The following DAB1 variants were observed in gnomAD, a reference collection of about 807,000 sequenced individuals.
DAB1 encodes the protein DAB adaptor protein 1.
In DAB1, 15 loss-of-function variants were observed where a neutral mutation model predicts 64.6. That is an observed-to-expected ratio of 0.23 (90% CI 0.16 to 0.36). DAB1 has a LOEUF of 0.36. DAB1 is among the 10% of genes least tolerant of loss of function. The pLI, the probability that DAB1 is intolerant of heterozygous loss-of-function variation, is 1.00. For synonymous variants in DAB1, 235 were observed against 251.9 expected (o/e 0.93, Z 0.64); for missense variants, 596 against 706.7 (o/e 0.84, Z 1.78).
intron 6 of DAB1, among the ~76,000 whole-genome samples, chr1:57,795,020 G>C (rs1650776949): frequency 6.6e-6 from 1 of 152,204 alleles, no homozygotes; most frequent in Non-Finnish European, 1.5e-5. Context: ...CACCCAATCA[G>C]TTGAATCAAA....
chr1:57,116,238 T>C (rs192996333), intron 4 of DAB1, among the ~76,000 whole-genome samples: 1 of 151,100 alleles, frequency 6.6e-6, no homozygotes, highest in African/African-American at 2.4e-5. Flanking sequence ...CCGAGGCAGG[T>C]GGATCACAAG....
intron 1 of DAB1, among the ~76,000 whole-genome samples, chr1:57,835,419 T>C (rs1422333758): frequency 6.6e-6 from 1 of 152,172 alleles, no homozygotes; most frequent in African/African-American, 2.4e-5. Flanking sequence ...CAATGTCATA[T>C]AACAAAGGAG....
At chr1:58,266,814 G>C (rs1308674692) in intron 4 of DAB1, among the ~76,000 whole-genome samples, 2 of 152,274 alleles carry the variant, frequency 1.3e-5, no homozygotes, top group Non-Finnish European at 1.5e-5. Context: ...AGCTTGAATA[G>C]GTATCGTCCA....
At chr1:57,860,098 T>A (rs1220878331) in intron 1 of DAB1, among the ~76,000 whole-genome samples, 2 of 152,136 alleles carry the variant, frequency 1.3e-5, no homozygotes, top group East Asian at 3.9e-4. Context: ...AAGGACACAG[T>A]GAATTACTAA....
intron 5 of DAB1, among the ~76,000 whole-genome samples, chr1:57,891,834 G>A (rs542323638): frequency 1.1e-4 from 16 of 152,166 alleles, no homozygotes; most frequent in African/African-American, 3.1e-4. Flanking sequence ...ATCACACACC[G>A]GGGCCTGTCA....
intron 3 of DAB1, among the ~76,000 whole-genome samples, chr1:58,478,715 C>T (rs536551527): frequency 6.6e-6 from 1 of 152,260 alleles, no homozygotes; most frequent in African/African-American, 2.4e-5. Flanking sequence ...AATATACACA[C>T]TGTCCTTTAG....
At chr1:58,491,856 T>C (rs965984064) in intron 3 of DAB1, among the ~76,000 whole-genome samples, 2 of 152,110 alleles carry the variant, frequency 1.3e-5, no homozygotes, top group Non-Finnish European at 2.9e-5. Context: ...GACAGATCAA[T>C]GAGACAAAAA....
chr1:57,814,409 C>T (rs772283161), intron 6 of DAB1, among the ~76,000 whole-genome samples: 2 of 152,152 alleles, frequency 1.3e-5, no homozygotes, highest in Non-Finnish European at 2.9e-5. Flanking sequence ...TCAGCCAGCA[C>T]CATGATGGCA....
At chr1:57,703,006 A>C (rs905804836) in intron 6 of DAB1, among the ~76,000 whole-genome samples, 14 of 152,198 alleles carry the variant, frequency 9.2e-5, no homozygotes, top group Admixed American at 6.5e-4. Context: ...TTGAAACTGG[A>C]CCTCTTCCTT....
At chr1:58,535,256 T>G (rs1646497637) in intron 1 of DAB1, among the ~76,000 whole-genome samples, 2 of 152,168 alleles carry the variant, frequency 1.3e-5, no homozygotes, top group African/African-American at 4.8e-5. Flanking sequence ...AAATTAAAAA[T>G]GTTCTGAAAT....
intron 2 of DAB1, among the ~76,000 whole-genome samples, chr1:57,191,940 G>A (rs72672685): frequency 0.057 from 8,637 of 152,188 alleles, 346 homozygotes; most frequent in Non-Finnish European, 0.084. Context: ...GGGCCATACC[G>A]TAATAACAGC....
At chr1:58,165,038 C>T (rs190268518) in intron 4 of DAB1, among the ~76,000 whole-genome samples, 49 of 152,248 alleles carry the variant, frequency 3.2e-4, no homozygotes, top group Admixed American at 1.6e-3. Context: ...ACTCTAGGCC[C>T]CATTTCCACA....
chr1:57,154,665 G>A (rs1427960488), intron 2 of DAB1, among the ~76,000 whole-genome samples: 1 of 152,172 alleles, frequency 6.6e-6, no homozygotes, highest in African/African-American at 2.4e-5. Flanking sequence ...CACCAACAGT[G>A]TACAAGGGTT....
chr1:58,282,845 G>A (rs996496758), intron 4 of DAB1, among the ~76,000 whole-genome samples: 10 of 152,242 alleles, frequency 6.6e-5, no homozygotes, highest in African/African-American at 2.4e-4. Flanking sequence ...AGCTCTGTCG[G>A]CAGCCGCTTC....
At chr1:57,165,086 G>A (rs919315039) in intron 2 of DAB1, among the ~76,000 whole-genome samples, 9 of 152,150 alleles carry the variant, frequency 5.9e-5, no homozygotes, top group Non-Finnish European at 1.0e-4. Context: ...AGAAAGTTTC[G>A]GTTGGATGAT....
In DAB1 at chr1:57,470,387, C is replaced by A. The variant is rs1687095965; in HGVS notation, n.625+179205G>T. Among the ~76,000 whole-genome samples, 3 of 152,218 alleles carry A rather than the reference C, an allele frequency of 2.0e-5. No homozygotes were observed. In the East Asian group the frequency reaches 5.8e-4, roughly 29 times the overall value. ...GAACTCCAGATTTTCAAAAACACTT[C>A]TGTGGAGACTCACAGAGGTGTTTGT... On this transcript the variant is annotated intron_variant and non_coding_transcript_variant, in intron 7 of 20. Transcript: ENST00000485760.
chr1:57,507,448 C>A (rs1051195551), intron 7 of DAB1, among the ~76,000 whole-genome samples: 2 of 152,158 alleles, frequency 1.3e-5, no homozygotes, highest in African/African-American at 2.4e-5. Flanking sequence ...AGTGCACGTT[C>A]TATATTTCCA....
At chr1:57,667,795 A>G (rs1212020014) in intron 6 of DAB1, among the ~76,000 whole-genome samples, 2 of 152,174 alleles carry the variant, frequency 1.3e-5, no homozygotes, top group Non-Finnish European at 2.9e-5. Context: ...TAAACGCTGC[A>G]TATCCTCACT....
intron 1 of DAB1, among the ~76,000 whole-genome samples, chr1:57,417,231 ACT>A (rs1362705505): frequency 6.6e-6 from 1 of 152,118 alleles, no homozygotes; most frequent in Non-Finnish European, 1.5e-5. Context: ...TGTTATTTAT[ACT>A]TTTTGTGTGT....
Sources: gnomAD v4.1 joint callset for allele counts (sites outside exome capture counted in the v4.1 genomes callset) on GRCh38, gnomAD v4.1.1 for gene constraint, MANE v1.5 for transcripts, NCBI Gene and HGNC (gene_info 2026-07-23, HGNC 2026-07-21) for gene names.